GSTCD: variants seen among roughly 807,000 people sequenced by gnomAD.
The protein encoded by GSTCD is glutathione S-transferase C-terminal domain containing.
GSTCD carries 44 observed loss-of-function variants against 68.3 expected under a neutral mutation model. The observed-to-expected ratio is 0.64, with a 90% CI of 0.51 to 0.83. The LOEUF is 0.83. GSTCD is among the 40% of genes least tolerant of loss of function. GSTCD has a pLI of 0.00. For missense variants in GSTCD, 739 were observed against 735.9 expected (o/e 1.00, Z -0.05); for synonymous variants, 273 against 255.2 (o/e 1.07, Z -0.67).
chr4:105,810,022 T>C (rs901302075), intron 5 of GSTCD, among the ~76,000 whole-genome samples: 1 of 152,002 alleles, frequency 6.6e-6, no homozygotes, highest in Non-Finnish European at 1.5e-5. Flanking sequence ...TAGCACAAAG[T>C]CTTTTATTAA....
intron 5 of GSTCD, among the ~76,000 whole-genome samples, chr4:105,730,033 G>A (rs547659964): frequency 1.3e-5 from 2 of 152,196 alleles, no homozygotes; most frequent in African/African-American, 4.8e-5. Context: ...GAGGATGATG[G>A]TTTCCAGCTT....
chr4:105,742,384 T>C (rs11934139), intron 5 of GSTCD, among the ~76,000 whole-genome samples: 94,697 of 152,100 alleles, frequency 0.62, 34,358 homozygotes, highest in East Asian at 0.9. Flanking sequence ...ATACTTGTCT[T>C]TTAAGGATCA....
At chr4:105,769,891 G>A (rs1713083257) in intron 5 of GSTCD, among the ~76,000 whole-genome samples, 1 of 152,042 alleles carries the variant, frequency 6.6e-6, no homozygotes, top group African/African-American at 2.4e-5. Context: ...GAGTAGGTGG[G>A]ACTACAGGCC....
chr4:105,784,186 T>C lies in GSTCD; in HGVS notation c.1241-38768T>C, dbSNP rs545469245. ...GCTTTTCATTTAGCATCTGTCGTAG[T>C]TTGTTTTTTGTTGCTGTAACAGAAT... On this transcript the variant is annotated intron_variant, in intron 5 of 11. Coordinates refer to ENST00000515279, the MANE Select transcript of GSTCD (RefSeq NM_001370181.1). Among the ~76,000 whole-genome samples the C allele has an allele frequency of 5.9e-4, 90 of 152,364 alleles. 1 individual carries two copies. The highest frequency in any genetic ancestry group is 3.5e-4 in the Non-Finnish European group (24 of 68,036).
chr4:105,716,950 G>A (rs1732699314), intron 1 of GSTCD, among the ~76,000 whole-genome samples: 1 of 152,136 alleles, frequency 6.6e-6, no homozygotes, highest in Admixed American at 6.5e-5. Context: ...GAAAAGAATG[G>A]TGTAACCTGA....
At chr4:105,740,858 A>T (rs1028322930) in intron 5 of GSTCD, among the ~76,000 whole-genome samples, 1 of 152,070 alleles carries the variant, frequency 6.6e-6, no homozygotes, top group African/African-American at 2.4e-5. Flanking sequence ...GGGCAGCCAT[A>T]GTGTCAGTTC....
intron 4 of GSTCD, among the ~76,000 whole-genome samples, chr4:105,727,072 A>T (rs1311189179): frequency 1.4e-5 from 2 of 146,384 alleles, no homozygotes; most frequent in African/African-American, 5.2e-5. Context: ...ACTTTTAAAA[A>T]GCCCTTTTCT....
At chr4:105,726,929 A>G in intron 4 of GSTCD, 99 bp downstream of exon 4, 2 of 992,856 alleles carry the variant, frequency 2.0e-6, no homozygotes, top group Non-Finnish European at 3.0e-6. Flanking sequence ...TATTTTTGTT[A>G]TAAATTTTAT....
chr4:105,782,742 C>T (rs1391455652), intron 5 of GSTCD, among the ~76,000 whole-genome samples: 1 of 151,890 alleles, frequency 6.6e-6, no homozygotes, highest in East Asian at 1.9e-4. Flanking sequence ...ACCATCATGC[C>T]CAGCTAATTT....
chr4:105,769,233 GCACACACACACACACACA>G (rs57039503), intron 5 of GSTCD, among the ~76,000 whole-genome samples: 4 of 146,230 alleles, frequency 2.7e-5, no homozygotes, highest in East Asian at 2.0e-4. Flanking sequence ...ATACACGCGC[GCACACACACACACACACA>G]CACACACACA....
chr4:105,804,898 G>A (rs1722416630), intron 5 of GSTCD, among the ~76,000 whole-genome samples: 1 of 152,034 alleles, frequency 6.6e-6, no homozygotes, highest in Non-Finnish European at 1.5e-5. Context: ...GCAGTGTTTG[G>A]TTTTCTGTTC....
intron 5 of GSTCD, among the ~76,000 whole-genome samples, chr4:105,774,835 C>T (rs895615544): frequency 2.0e-5 from 3 of 152,086 alleles, no homozygotes; most frequent in Non-Finnish European, 2.9e-5. Context: ...TGTCTTGGGG[C>T]TACTCTTCTT....
chr4:105,774,384 A>G (rs539742032), intron 5 of GSTCD, among the ~76,000 whole-genome samples: 2 of 152,216 alleles, frequency 1.3e-5, no homozygotes, highest in East Asian at 3.9e-4. Context: ...TGAATTTGAA[A>G]CTGTCATTAT....
intron 5 of GSTCD, among the ~76,000 whole-genome samples, chr4:105,779,582 G>T (rs990898021): frequency 6.6e-5 from 10 of 152,040 alleles, no homozygotes; most frequent in African/African-American, 2.4e-4. Context: ...TTTGCAATTT[G>T]TCAAGTGTAT....
chr4:105,825,070 T>G (rs1266660039), intron 7 of GSTCD, among the ~76,000 whole-genome samples: 2 of 151,978 alleles, frequency 1.3e-5, no homozygotes, highest in Admixed American at 6.6e-5. Flanking sequence ...GATGTTTTGT[T>G]TTTGGTTTTT....
chr4:105,828,958 A>G (rs1033166816), intron 8 of GSTCD, among the ~76,000 whole-genome samples: 13 of 152,188 alleles, frequency 8.5e-5, no homozygotes, highest in Non-Finnish European at 1.3e-4. Flanking sequence ...GGCACCAAGT[A>G]TAGAGATATC....
rs1179924431 is a variant in GSTCD at position 105,726,789 on chromosome 4, T to G, written c.1105T>G (p.Leu369Val). ...VPGVEEQSDP[L>V]FIGGPRPTMA... ...AGGTGTAGAAGAGCAAAGCGATCCT[T>G]TATTTATAGGAGGACCAAGACCAAC... Residue 369 changes from leucine to valine, a missense_variant, in exon 4 of 12, where the codon TTA becomes GTA. Physicochemically the swap from Leu to Val is conservative, Grantham distance 32. Transcript: ENST00000515279. 2 of 1,613,478 alleles carry G rather than the reference T, an allele frequency of 1.2e-6. No individual in the cohort carries two copies. Among genetic ancestry groups the G allele is most frequent in the Admixed American group, 1.7e-5 (1 of 59,966 alleles).
chr4:105,827,906 T>C (rs1723715636), intron 8 of GSTCD, among the ~76,000 whole-genome samples: 1 of 152,088 alleles, frequency 6.6e-6, no homozygotes, highest in African/African-American at 2.4e-5. Flanking sequence ...TTATTAAATT[T>C]TATAATATGT....
intron 5 of GSTCD, among the ~76,000 whole-genome samples, chr4:105,784,268 G>A (rs143485839): frequency 6.1e-4 from 93 of 152,308 alleles, no homozygotes; most frequent in African/African-American, 2.2e-3. Flanking sequence ...GGTTTTTGAG[G>A]TGGAGAAGTC....
Sources: allele counts gnomAD v4.1 joint callset (sites outside exome capture counted in the v4.1 genomes callset), GRCh38; gene constraint gnomAD v4.1.1; transcripts MANE v1.5; gene names NCBI Gene and HGNC (gene_info 2026-07-23, HGNC 2026-07-21).